TRDN: variants seen among roughly 807,000 people sequenced by gnomAD.
TRDN encodes triadin, also known as triadin in skeletal muscle.
In TRDN, 161 loss-of-function variants were observed where a neutral mutation model predicts 149.7. The ratio of observed to expected loss-of-function variants is 1.08; its 90% CI spans 0.95 to 1.23. TRDN has a LOEUF of 1.23. Among genes scored for constraint, TRDN ranks in the 50% most tolerant of loss-of-function variants. The pLI is 0.00. For synonymous variants in TRDN, 294 were observed against 250.5 expected (o/e 1.17, Z -1.64); for missense variants, 896 against 823.5 (o/e 1.09, Z -1.08).
At chr6:123,513,585 A>G (rs1298805510) in intron 6 of TRDN, among the ~76,000 whole-genome samples, 1 of 152,148 alleles carries the variant, frequency 6.6e-6, no homozygotes, top group Non-Finnish European at 1.5e-5. Flanking sequence ...ATGGTTACCT[A>G]TTTCTAGAAC....
At position 123,620,207 on chromosome 6, in the gene TRDN, C is replaced by T. The variant is rs560301215; in HGVS notation, c.22+16547G>A. On this transcript the variant is annotated intron_variant, in intron 1 of 40. Transcript: ENST00000334268. ...GTCTATATGTAGTTAACTAGGGTTGCGGCTTTAAAACTTCAACGTGTGTCA... is the reference window on the plus strand; with the variant it reads ...GTCTATATGTAGTTAACTAGGGTTGTGGCTTTAAAACTTCAACGTGTGTCA... 6.1e-4 allele frequency among the ~76,000 whole-genome samples: 93 copies of T among 152,182 alleles called. 1 individual carries two copies. In the South Asian group the frequency reaches 7.5e-3, roughly 12 times the overall value.
intron 37 of TRDN, among the ~76,000 whole-genome samples, chr6:123,253,797 A>T (rs1361844082): frequency 6.6e-6 from 1 of 152,158 alleles, no homozygotes; most frequent in Non-Finnish European, 1.5e-5. Flanking sequence ...CAGCTGAGTT[A>T]CAGAGGTTTC....
intron 10 of TRDN, chr6:123,464,386 G>T: frequency 1.0e-6 from 1 of 969,782 alleles, no homozygotes. Flanking sequence ...TTGTGTGTGT[G>T]TGAGTGTGTG....
Position 123,224,110 on chromosome 6 carries a change from G to T in TRDN, c.1997C>A (p.Ala666Asp), listed in dbSNP as rs878854816. Residue 666 changes from alanine (A) to aspartate (D), a missense_variant, in exon 39 of 41, where the codon GCT (alanine) becomes GAT (aspartate). By Grantham distance (126) the Ala-to-Asp change is moderately radical. Transcript: ENST00000334268. The stretch of plus-strand genomic sequence containing the variant: ...AAACTCACCTTTAGCTTTCTTTGAA[G>T]CTGGTACATCTTCAACATCTTCTAG... ...RVSKDVEDVP[A>D]SKKAKEGTED... 6.2e-7 allele frequency: 1 copy of T among 1,610,264 alleles called. No homozygotes were observed. Among genetic ancestry groups the T allele is most frequent in the Non-Finnish European group, 8.5e-7 (1 of 1,177,894 alleles).
intron 24 of TRDN, among the ~76,000 whole-genome samples, chr6:123,312,506 T>C (rs137986495): frequency 0.013 from 2,052 of 152,064 alleles, 37 homozygotes; most frequent in Non-Finnish European, 0.016. Flanking sequence ...ATAATACATA[T>C]AACATACCAA....
intron 20 of TRDN, among the ~76,000 whole-genome samples, chr6:123,357,381 A>G (rs1176144083): frequency 1.3e-5 from 2 of 152,128 alleles, no homozygotes; most frequent in Admixed American, 1.3e-4. Context: ...AGCCAATGAT[A>G]TATGAGGAAA....
intron 12 of TRDN, among the ~76,000 whole-genome samples, chr6:123,399,765 G>T (rs928800568): frequency 6.6e-6 from 1 of 152,134 alleles, no homozygotes; most frequent in Non-Finnish European, 1.5e-5. Flanking sequence ...CATCATTTTT[G>T]ATGGCAAATT....
chr6:123,483,058 A>T (rs1175100988), intron 9 of TRDN, among the ~76,000 whole-genome samples: 1 of 142,766 alleles, frequency 7.0e-6, no homozygotes, highest in African/African-American at 2.6e-5. Context: ...CCCTGGATTG[A>T]TTTCTCATTT....
intron 24 of TRDN, among the ~76,000 whole-genome samples, chr6:123,297,223 A>G (rs1467967409): frequency 6.6e-6 from 1 of 152,076 alleles, no homozygotes; most frequent in African/African-American, 2.4e-5. Flanking sequence ...TTATTCAAGC[A>G]TCTTACTGTT....
intron 21 of TRDN, chr6:123,350,716 T>C: frequency 2.3e-6 from 2 of 853,006 alleles, no homozygotes; most frequent in Non-Finnish European, 2.8e-6. Flanking sequence ...CCTATGATTG[T>C]TATGATTGAA....
At chr6:123,407,178 C>T (rs1421169334) in intron 12 of TRDN, among the ~76,000 whole-genome samples, 1 of 152,128 alleles carries the variant, frequency 6.6e-6, no homozygotes, top group African/African-American at 2.4e-5. Context: ...CCTGATTTCA[C>T]CCAAGGGGTG....
intron 24 of TRDN, among the ~76,000 whole-genome samples, chr6:123,297,249 A>G (rs1055177560): frequency 6.6e-6 from 1 of 152,012 alleles, no homozygotes; most frequent in Non-Finnish European, 1.5e-5. Context: ...TTCTGTTCTC[A>G]CTTTTCATCT....
intron 5 of TRDN, chr6:123,529,316 C>A (rs1159786124): frequency 6.5e-6 from 10 of 1,548,284 alleles, no homozygotes; most frequent in Non-Finnish European, 7.9e-6. Flanking sequence ...GAATTAAGAA[C>A]CGAAAAAAGG....
intron 2 of TRDN, among the ~76,000 whole-genome samples, chr6:123,567,224 T>G (rs1336211741): frequency 2.0e-5 from 3 of 152,374 alleles, no homozygotes; most frequent in African/African-American, 4.8e-5. Flanking sequence ...TTTAAAAGCC[T>G]CTATTATACA....
chr6:123,586,751 G>T (rs1305730016), intron 1 of TRDN, among the ~76,000 whole-genome samples: 2 of 151,818 alleles, frequency 1.3e-5, no homozygotes, highest in Non-Finnish European at 2.9e-5. Context: ...AGGGTGGAAG[G>T]TTGCCCATAG....
Position 123,501,623 on chromosome 6 carries a change from TAA to T in TRDN, c.793+2094_793+2095del, listed in dbSNP as rs554866429. On this transcript the variant is annotated intron_variant, in intron 8 of 40. Transcript: ENST00000334268. ...ATATGTCTGATCTGCCATTAGAGGT[TAA>T]GTTTTGAATACTTACCTAATGATAC... Among the ~76,000 whole-genome samples, 521 of 152,242 alleles carry T rather than the reference TAA, an allele frequency of 3.4e-3. 2 individuals are homozygous for T. Among genetic ancestry groups the T allele is most frequent in the African/African-American group, 0.012 (501 of 41,582 alleles).
chr6:123,452,933 C>A (rs2114661154), intron 10 of TRDN, among the ~76,000 whole-genome samples: 1 of 152,092 alleles, frequency 6.6e-6, no homozygotes, highest in South Asian at 2.1e-4. Context: ...AATAGAGAAC[C>A]CATAAATAAA....
chr6:123,221,398 C>G (rs1775142951), intron 40 of TRDN, 89 bp downstream of exon 40: 3 of 879,418 alleles, frequency 3.4e-6, no homozygotes. Flanking sequence ...TCTTCGAATA[C>G]TGGTCTTAAG....
intron 21 of TRDN, 168 bp downstream of exon 21, chr6:123,352,371 A>T: frequency 2.0e-6 from 2 of 985,212 alleles, no homozygotes; most frequent in Non-Finnish European, 2.4e-6. Flanking sequence ...AGACCAACCC[A>T]GATTGCTGTC....
Sources: gnomAD v4.1 joint callset for allele counts (sites outside exome capture counted in the v4.1 genomes callset) on GRCh38, gnomAD v4.1.1 for gene constraint, MANE v1.5 for transcripts, NCBI Gene and HGNC (gene_info 2026-07-23, HGNC 2026-07-21) for gene names.